Variants in RPH3AL observed in about 807,000 individuals in gnomAD.
RPH3AL encodes the protein rabphilin 3A like (without C2 domains).
Under a neutral mutation model 43.1 loss-of-function variants are expected in RPH3AL, and 38 were observed. That is an observed-to-expected ratio of 0.88 (90% CI 0.68 to 1.15). The LOEUF (loss-of-function observed/expected upper bound fraction) is 1.15. RPH3AL is among the 50% of genes most tolerant of loss of function. The pLI is 0.00. For synonymous variants in RPH3AL, 189 were observed against 176.3 expected (o/e 1.07, Z -0.57); for missense variants, 462 against 423.2 (o/e 1.09, Z -0.81).
chr17:219,192 CTTT>C (rs796389217), intron 8 of RPH3AL, among the ~76,000 whole-genome samples: 184 of 57,990 alleles, frequency 3.2e-3, no homozygotes, highest in Admixed American at 8.0e-3. Context: ...ATAAACAGCA[CTTT>C]TTTTTTTTTT....
rs902480484 is a variant in RPH3AL at position 322,620 on chromosome 17, C to T, written c.78-1205G>A. Among the ~76,000 whole-genome samples, 2 of 152,076 alleles carry T rather than the reference C, an allele frequency of 1.3e-5. No homozygotes were observed. Among genetic ancestry groups the T allele is most frequent in the Non-Finnish European group, 2.9e-5 (2 of 68,008 alleles). On this transcript the variant is annotated intron_variant, in intron 3 of 9. Coordinates refer to ENST00000331302, the MANE Select transcript of RPH3AL (RefSeq NM_006987.4). This position sits in a 1 kb window ranked among gnomAD's most constrained non-coding sequence, Gnocchi z 4.0. ...GGGAGGGGATGAGGCTCTGGAAAGG[C>T]TCGCTTTCTTTAGGGAAGTGTCAGA...
chr17:221,570 C>G (rs529006639), intron 7 of RPH3AL, among the ~76,000 whole-genome samples: 31 of 122,502 alleles, frequency 2.5e-4, no homozygotes, highest in African/African-American at 1.1e-3. Flanking sequence ...AGACAATAGA[C>G]CCAAGCACAT....
At chr17:219,836 G>T in intron 7 of RPH3AL, 100 bp from the exon 8 acceptor site, 2 of 836,154 alleles carry the variant, frequency 2.4e-6, no homozygotes, top group Non-Finnish European at 4.1e-6. Flanking sequence ...TCATTACCAC[G>T]TGGCGTAGCA....
chr17:301,873 C>T (rs908316182), intron 5 of RPH3AL, among the ~76,000 whole-genome samples: 1 of 152,186 alleles, frequency 6.6e-6, no homozygotes, highest in Non-Finnish European at 1.5e-5. Context: ...TCAGTGTCTC[C>T]ATCTGGAAAA....
At chr17:309,732 C>T (rs113760249) in intron 5 of RPH3AL, among the ~76,000 whole-genome samples, 52 of 126,342 alleles carry the variant, frequency 4.1e-4, no homozygotes, top group African/African-American at 7.3e-4. Flanking sequence ...GTCCAGGATA[C>T]GGCATGTCCC....
chr17:319,548 G>A lies in RPH3AL; in HGVS notation c.223C>T (p.Arg75Trp), dbSNP rs568286873. Residue 75 changes from arginine (R) to tryptophan (W), a missense_variant and splice_region_variant, in exon 5 of 10, where the codon CGG (arginine) becomes TGG (tryptophan). Physicochemically the swap from Arg to Trp is moderately radical, Grantham distance 101. Transcript: ENST00000331302. ...ATGGTCTCCAGCCGCTCCACCAGCC[G>A]CCTGCAGCACAGGACACAGAGTCAG... Reference protein sequence around the residue: ...LDVLEQQRIGRLVERLETMRR... With the variant: ...LDVLEQQRIGWLVERLETMRR... 48 of 1,610,554 alleles carry A rather than the reference G, an allele frequency of 3.0e-5. No homozygotes were observed. Among genetic ancestry groups the A allele is most frequent in the Admixed American group, 6.7e-5 (4 of 60,018 alleles).
chr17:275,325 T>C lies in RPH3AL; in HGVS notation c.438+6443A>G, dbSNP rs73278914. Among the ~76,000 whole-genome samples the C allele has an allele frequency of 6.7e-3, 1,018 of 151,662 alleles. 15 individuals carry two copies. The highest frequency in any genetic ancestry group is 0.024 in the African/African-American group (979 of 41,322). On this transcript the variant is annotated intron_variant, in intron 6 of 9. Transcript: ENST00000331302. ...GGTACGTATTTTTTACAATGGGATA[T>C]AGACCACAGTGATGGGAATGAATAC...
intron 5 of RPH3AL, among the ~76,000 whole-genome samples, chr17:306,174 T>C (rs1291080308): frequency 6.6e-6 from 1 of 151,896 alleles, no homozygotes. Flanking sequence ...CCAGCCCCTT[T>C]CTGACCCACA....
chr17:252,238 G>C (rs1435028258), intron 6 of RPH3AL, among the ~76,000 whole-genome samples: 6 of 152,200 alleles, frequency 3.9e-5, no homozygotes, highest in East Asian at 1.9e-4. Flanking sequence ...GCCTCCCAAA[G>C]TGCTGGGATT....
intron 5 of RPH3AL, among the ~76,000 whole-genome samples, chr17:312,193 C>G (rs905932610): frequency 2.0e-5 from 3 of 152,006 alleles, no homozygotes; most frequent in Admixed American, 6.6e-5. Flanking sequence ...CTCAGCTGCC[C>G]GGGAAGCTGG....
chr17:331,398 G>C (rs914313114), intron 2 of RPH3AL: 2 of 282,878 alleles, frequency 7.1e-6, no homozygotes, highest in Non-Finnish European at 1.2e-5. Context: ...GTCTGTGGCT[G>C]ACCACGTTCA....
At chr17:324,733 ATG>A (rs2044576108) in intron 3 of RPH3AL, among the ~76,000 whole-genome samples, 2 of 150,688 alleles carry the variant, frequency 1.3e-5, no homozygotes, top group Non-Finnish European at 3.0e-5. Flanking sequence ...CTATCTATCT[ATG>A]TCTATTTTGA....
At chr17:252,541 A>C (rs1411134390) in intron 6 of RPH3AL, among the ~76,000 whole-genome samples, 2 of 152,102 alleles carry the variant, frequency 1.3e-5, no homozygotes, top group Admixed American at 1.3e-4. Flanking sequence ...TTCCGAACTC[A>C]TAACTTCTCC....
At chr17:332,092 G>A in intron 2 of RPH3AL, 1 of 357,940 alleles carries the variant, frequency 2.8e-6, no homozygotes, top group East Asian at 7.4e-5. Flanking sequence ...TCTGCGGGGA[G>A]AAGACGGAGG....
chr17:214,105 C>T (rs1293522112), intron 9 of RPH3AL, among the ~76,000 whole-genome samples, 182 bp from the exon 10 acceptor site: 27 of 152,210 alleles, frequency 1.8e-4, no homozygotes, highest in Admixed American at 1.8e-3. Flanking sequence ...TGTGTGATGG[C>T]AGGAAAGTCA....
chr17:351,613 T>C lies in RPH3AL; in HGVS notation c.-213+1099A>G, dbSNP rs73286646. ...TTCTTGTCTCTGAATTCCTCCAGCA[T>C]GCAATTTCCAAAGCACAGGCCTCCA... On this transcript the variant is annotated intron_variant, in intron 1 of 9. Transcript: ENST00000331302. Among the ~76,000 whole-genome samples, 1,251 of 152,228 alleles carry C rather than the reference T, an allele frequency of 8.2e-3. 15 individuals carry two copies. The highest frequency in any genetic ancestry group is 0.027 in the African/African-American group (1,121 of 41,542).
intron 5 of RPH3AL, among the ~76,000 whole-genome samples, chr17:299,251 GA>G (rs1017092270): frequency 6.6e-6 from 1 of 151,946 alleles, no homozygotes; most frequent in African/African-American, 2.4e-5. Flanking sequence ...TGCAGGGCCC[GA>G]ATGCCGCTGC....
chr17:270,066 T>C (rs925255371), intron 6 of RPH3AL, among the ~76,000 whole-genome samples: 12 of 151,788 alleles, frequency 7.9e-5, no homozygotes, highest in African/African-American at 2.9e-4. Flanking sequence ...CACAGAGGCG[T>C]GGGAGGCGAC....
chr17:249,329 G>C (rs918521120), intron 6 of RPH3AL, among the ~76,000 whole-genome samples: 2 of 152,046 alleles, frequency 1.3e-5, no homozygotes, highest in Non-Finnish European at 2.9e-5. Context: ...ATTTGGACAC[G>C]CTGACCTCCC....
Sources: gnomAD v4.1 joint callset for allele counts (sites outside exome capture counted in the v4.1 genomes callset) on GRCh38, gnomAD v4.1.1 for gene constraint, Gnocchi (gnomAD v3.1) non-coding constraint, MANE v1.5 for transcripts, NCBI Gene and HGNC (gene_info 2026-07-23, HGNC 2026-07-21) for gene names.